SPAG9: variants seen among roughly 807,000 people sequenced by gnomAD.
SPAG9 encodes the protein sperm associated antigen 9.
Under a neutral mutation model 166.5 loss-of-function variants are expected in SPAG9, and 35 were observed. The observed-to-expected ratio is 0.21, with a 90% CI of 0.16 to 0.28. The LOEUF (loss-of-function observed/expected upper bound fraction) is 0.28. Among genes scored for constraint, SPAG9 ranks in the 10% least tolerant of loss-of-function variants. SPAG9 has a pLI of 1.00. For synonymous variants in SPAG9, 534 were observed against 565.5 expected (o/e 0.94, Z 0.79); for missense variants, 1,235 against 1,603.3 (o/e 0.77, Z 3.92).
intron 1 of SPAG9, among the ~76,000 whole-genome samples, chr17:51,103,390 G>T (rs2048858019): frequency 6.6e-6 from 1 of 152,216 alleles, no homozygotes; most frequent in African/African-American, 2.4e-5. Flanking sequence ...ACAGTCGGGT[G>T]TTAAGGCTTT....
rs79772508 is a variant in SPAG9, at chr17:51,080,398, T to C, written c.304-694A>G. On this transcript the variant is annotated intron_variant, in intron 1 of 29. Coordinates refer to ENST00000262013, the MANE Select transcript of SPAG9 (RefSeq NM_001130528.3). ...TCCTTTTCTCCCCAACTTCTTAACA[T>C]TGGCATGCTCCGTCCTTGGACACAT... Among the ~76,000 whole-genome samples the C allele has an allele frequency of 1.3e-3, 200 of 152,178 alleles. 1 individual carries two copies. Among genetic ancestry groups the C allele is most frequent in the African/African-American group, 4.6e-3 (189 of 41,520 alleles).
chr17:51,061,410 C>T (rs950373886), intron 2 of SPAG9, among the ~76,000 whole-genome samples: 117 of 151,982 alleles, frequency 7.7e-4, no homozygotes, highest in African/African-American at 4.6e-4. Flanking sequence ...GTCAGCAGTT[C>T]GAGACCAGCC....
intron 1 of SPAG9, among the ~76,000 whole-genome samples, chr17:51,095,978 T>TATATAGTG (rs1568083867): frequency 2.1e-5 from 1 of 47,154 alleles, no homozygotes; most frequent in African/African-American, 8.0e-5. Flanking sequence ...TATAGTGATA[T>TATATAGTG]ATATATATAT....
At chr17:51,015,928 GACTT>G (rs2045679188) in intron 8 of SPAG9, among the ~76,000 whole-genome samples, 1 of 151,980 alleles carries the variant, frequency 6.6e-6, no homozygotes, top group Non-Finnish European at 1.5e-5. Context: ...CAGATGAAAA[GACTT>G]ACTTCATATA....
chr17:51,061,311 A>C (rs12937832), intron 2 of SPAG9, among the ~76,000 whole-genome samples: 1 of 152,108 alleles, frequency 6.6e-6, no homozygotes, highest in Non-Finnish European at 1.5e-5. Flanking sequence ...TCAAATGTAC[A>C]CCACTTAATA....
intron 2 of SPAG9, among the ~76,000 whole-genome samples, chr17:51,059,683 C>T (rs1319400902): frequency 6.6e-6 from 1 of 151,794 alleles, no homozygotes; most frequent in Non-Finnish European, 1.5e-5. Context: ...ACCCAGGAGG[C>T]AGAGGTTGCA....
intron 1 of SPAG9, among the ~76,000 whole-genome samples, chr17:51,093,932 C>A (rs1312692828): frequency 6.6e-6 from 1 of 152,032 alleles, no homozygotes; most frequent in Admixed American, 6.6e-5. Context: ...TAAACTCAAC[C>A]AGAAATTTTA....
intron 9 of SPAG9, among the ~76,000 whole-genome samples, chr17:51,010,436 T>TA (rs1224947398): frequency 6.6e-6 from 1 of 151,488 alleles, no homozygotes; most frequent in Admixed American, 6.6e-5. Context: ...AACTAAAAAA[T>TA]AACAGTAAAG....
At chr17:51,025,255 C>T (rs1258159385) in intron 6 of SPAG9, among the ~76,000 whole-genome samples, 2 of 131,422 alleles carry the variant, frequency 1.5e-5, no homozygotes, top group Non-Finnish European at 3.1e-5. Flanking sequence ...GAGACGGAGG[C>T]TGCAGTGAGC....
intron 3 of SPAG9, 50 bp downstream of exon 3, chr17:51,056,362 C>A: frequency 1.9e-6 from 2 of 1,030,462 alleles, no homozygotes; most frequent in Middle Eastern, 2.0e-4. Context: ...TTCTAAGGTT[C>A]ATTTCTTTGT....
intron 2 of SPAG9, among the ~76,000 whole-genome samples, chr17:51,066,105 T>C (rs2047655380): frequency 1.3e-5 from 2 of 150,218 alleles, no homozygotes; most frequent in South Asian, 2.1e-4. Flanking sequence ...GTTACCCCAT[T>C]ACGCTTTTTT....
At chr17:50,971,834 C>A (rs1411480458) in intron 28 of SPAG9, among the ~76,000 whole-genome samples, 1 of 152,082 alleles carries the variant, frequency 6.6e-6, no homozygotes, top group Non-Finnish European at 1.5e-5. Context: ...ATGGCGCGAT[C>A]TCGGCTCACT....
At chr17:50,998,823 T>C (rs912677433) in intron 14 of SPAG9, among the ~76,000 whole-genome samples, 7 of 152,248 alleles carry the variant, frequency 4.6e-5, no homozygotes, top group Admixed American at 2.0e-4. Flanking sequence ...GAGAAACTAT[T>C]GCTTAGAATG....
chr17:50,970,835 C>A lies in SPAG9; in HGVS notation c.3722G>T (p.Ser1241Ile), dbSNP rs758778506. Residue 1241 changes from serine to isoleucine, a missense_variant, in exon 29 of 30, where the codon AGT becomes ATT. By Grantham distance (142) the Ser-to-Ile change is moderately radical (BLOSUM62 -2). Transcript: ENST00000262013. ...AVPGQVISPQ[S>I]SSSGTDLTGD... is the part of the protein sequence containing the mutation. ...CGTCAGATCCGTGCCACTACTGCTA[C>A]TTTGTGGGCTGATGACTTGACCTGT... The A allele has an allele frequency of 4.3e-6, 7 of 1,613,914 alleles. No individual in the cohort carries two copies. The highest frequency in any genetic ancestry group is 5.9e-6 in the Non-Finnish European group (7 of 1,179,946).
At chr17:51,102,906 C>T (rs114353229) in intron 1 of SPAG9, among the ~76,000 whole-genome samples, 36 of 152,146 alleles carry the variant, frequency 2.4e-4, no homozygotes, top group Middle Eastern at 3.4e-3. Flanking sequence ...GGACTTCAGG[C>T]GTGTGTTGCT....
intron 27 of SPAG9, chr17:50,976,511 T>C (rs1340365692): frequency 6.5e-6 from 1 of 153,444 alleles, no homozygotes. Flanking sequence ...TTTATAGACT[T>C]ACAGTATTTG....
At chr17:50,968,386 G>C (rs1366283317) in intron 29 of SPAG9, among the ~76,000 whole-genome samples, 1 of 152,058 alleles carries the variant, frequency 6.6e-6, no homozygotes, top group Non-Finnish European at 1.5e-5. Context: ...CTTATGTCTG[G>C]GAACTTTTTG....
chr17:51,083,854 G>A (rs1473532656), intron 1 of SPAG9, among the ~76,000 whole-genome samples: 2 of 152,028 alleles, frequency 1.3e-5, no homozygotes, highest in Non-Finnish European at 2.9e-5. Flanking sequence ...CCCCGCCCAT[G>A]TCAAATGCCA....
At chr17:51,060,504 TTAAAAAA>T (rs1220394056) in intron 2 of SPAG9, among the ~76,000 whole-genome samples, 1 of 138,042 alleles carries the variant, frequency 7.2e-6, no homozygotes, top group Non-Finnish European at 1.5e-5. Flanking sequence ...CTTTGTCTTT[TTAAAAAA>T]AAAAAAAAAA....
Sources: gnomAD v4.1 joint callset for allele counts (sites outside exome capture counted in the v4.1 genomes callset) on GRCh38, gnomAD v4.1.1 for gene constraint, MANE v1.5 for transcripts, NCBI Gene and HGNC (gene_info 2026-07-23, HGNC 2026-07-21) for gene names.